EPB41: variants seen among roughly 807,000 people sequenced by gnomAD.
EPB41 encodes erythrocyte membrane protein band 4.1.
In EPB41, 65 loss-of-function variants were observed where a neutral mutation model predicts 108.0. That is an observed-to-expected ratio of 0.60 (90% CI 0.49 to 0.74). The LOEUF is 0.74. EPB41 is among the 30% of genes least tolerant of loss of function. EPB41 has a pLI of 0.00. For missense variants in EPB41, 875 were observed against 1,037.0 expected (o/e 0.84, Z 2.15); for synonymous variants, 336 against 358.9 (o/e 0.94, Z 0.72).
intron 1 of EPB41, among the ~76,000 whole-genome samples, chr1:28,983,019 A>G (rs1418899477): frequency 2.0e-5 from 3 of 152,144 alleles, no homozygotes; most frequent in Non-Finnish European, 1.5e-5. Context: ...TATATCTTTC[A>G]GGATTATGAT....
At chr1:28,925,758 T>A (rs2093411263) in intron 1 of EPB41, among the ~76,000 whole-genome samples, 1 of 152,010 alleles carries the variant, frequency 6.6e-6, no homozygotes, top group Non-Finnish European at 1.5e-5. Context: ...TTCAGAGAGG[T>A]CATAGGTAGG....
intron 1 of EPB41, among the ~76,000 whole-genome samples, chr1:28,984,785 G>A (rs1284718524): frequency 6.6e-6 from 1 of 151,722 alleles, no homozygotes; most frequent in African/African-American, 2.4e-5. Context: ...AGCTTCCCAA[G>A]TAGCTGGAAC....
At chr1:28,894,657 C>T (rs1262604712) in intron 1 of EPB41, among the ~76,000 whole-genome samples, 1 of 152,088 alleles carries the variant, frequency 6.6e-6, no homozygotes, top group Non-Finnish European at 1.5e-5. Context: ...ACTCTGCCTT[C>T]TAGTACTGCC....
At chr1:28,944,064 G>C (rs1571110992) in intron 1 of EPB41, among the ~76,000 whole-genome samples, 1 of 152,246 alleles carries the variant, frequency 6.6e-6, no homozygotes, top group Non-Finnish European at 1.5e-5. Flanking sequence ...GCAACAATAT[G>C]GATGGAACTA....
At chr1:28,956,947 A>G (rs954814671) in intron 1 of EPB41, among the ~76,000 whole-genome samples, 2 of 152,264 alleles carry the variant, frequency 1.3e-5, no homozygotes, top group African/African-American at 4.8e-5. Context: ...GGCTTCCTAC[A>G]TGAGCTGCAA....
intron 16 of EPB41, chr1:29,072,634 A>G (rs1349819544): frequency 6.6e-6 from 1 of 152,194 alleles, no homozygotes; most frequent in African/African-American, 2.4e-5. Context: ...TTGAGAGTCA[A>G]AGGAGAGGCC....
chr1:28,890,379 A>G (rs186097242), intron 1 of EPB41, among the ~76,000 whole-genome samples: 3 of 152,116 alleles, frequency 2.0e-5, no homozygotes, highest in African/African-American at 7.2e-5. Context: ...CCACTCCTTT[A>G]TAGTCTGCAG....
At chr1:29,081,135 A>G (rs1656434850) in intron 16 of EPB41, among the ~76,000 whole-genome samples, 1 of 152,206 alleles carries the variant, frequency 6.6e-6, no homozygotes, top group South Asian at 2.1e-4. Flanking sequence ...GAGACAACCT[A>G]CTGGTGTGCA....
At chr1:29,055,665 T>C (rs1412565332) in intron 12 of EPB41, among the ~76,000 whole-genome samples, 1 of 150,586 alleles carries the variant, frequency 6.6e-6, no homozygotes. Flanking sequence ...AAAATAACTA[T>C]GGCGGCAGGC....
At position 28,973,702 on chromosome 1, in the gene EPB41, TTTTC is replaced by T. The variant is rs547457948; in HGVS notation, c.-7-13722_-7-13719del. On this transcript the variant is annotated intron_variant, in intron 1 of 20. Transcript: ENST00000343067. ...GAGCCACTGTGCCCAACCCCATTTG[TTTTC>T]TTTCTTCCTTCCTATTTGTAAAATC... 3.8e-3 allele frequency among the ~76,000 whole-genome samples: 572 copies of T among 152,266 alleles called. 6 individuals carry two copies. The highest frequency in any genetic ancestry group is 0.013 in the African/African-American group (530 of 41,562).
At chr1:28,930,324 T>TAA (rs1226561663) in intron 1 of EPB41, among the ~76,000 whole-genome samples, 1 of 145,072 alleles carries the variant, frequency 6.9e-6, no homozygotes, top group Non-Finnish European at 1.5e-5. Context: ...ACCAGCTAAT[T>TAA]AAAAAAAAAA....
chr1:29,018,561 C>T lies in EPB41; in HGVS notation c.1124+119C>T. On this transcript the variant is annotated intron_variant, in intron 7 of 20. Transcript: ENST00000343067. This position sits in a 1 kb window ranked among gnomAD's most constrained non-coding sequence, Gnocchi z 4.4. ...TGGTGCCATAGAAAGAGTCAGTTTCCTCCACTGTTTGACTTTGGGCAGGTT... is the reference window on the plus strand; with the variant it reads ...TGGTGCCATAGAAAGAGTCAGTTTCTTCCACTGTTTGACTTTGGGCAGGTT... The T allele has an allele frequency of 9.5e-7, 1 of 1,057,874 alleles. No individual in the cohort carries two copies. The highest frequency in any genetic ancestry group is 1.4e-6 in the Non-Finnish European group (1 of 690,098). The allele number at this position is 1,057,874 out of a possible 1,614,324, so 65.5% of individuals were successfully genotyped here.
At chr1:28,904,152 AC>A (rs2091563594) in intron 1 of EPB41, among the ~76,000 whole-genome samples, 1 of 144,594 alleles carries the variant, frequency 6.9e-6, no homozygotes. Context: ...GGCATGAGTC[AC>A]CTTGCCCGGC....
chr1:28,958,663 A>G lies in EPB41; in HGVS notation c.-7-28768A>G, dbSNP rs151139663. Among the ~76,000 whole-genome samples, 394 of 150,676 alleles carry G rather than the reference A, an allele frequency of 2.6e-3. 2 individuals carry two copies. The highest frequency in any genetic ancestry group is 4.3e-3 in the Non-Finnish European group (288 of 67,694). ...CCCTGTCTCTACCCAAAATACAAAA[A>G]TTTAGCTGAGCACAGGCATGTGGCA... On this transcript the variant is annotated intron_variant, in intron 1 of 20. Coordinates refer to ENST00000343067, the MANE Select transcript of EPB41 (RefSeq NM_001376013.1).
At chr1:28,890,907 G>A in intron 1 of EPB41, 4 of 985,390 alleles carry the variant, frequency 4.1e-6, no homozygotes, top group Non-Finnish European at 4.8e-6. Context: ...CCTTACCTGT[G>A]GAACTGTTTG....
intron 12 of EPB41, among the ~76,000 whole-genome samples, chr1:29,057,102 C>T (rs967150308): frequency 7.9e-5 from 12 of 152,130 alleles, no homozygotes; most frequent in Admixed American, 5.9e-4. Flanking sequence ...ACCAGCCAGG[C>T]GCAGTGGCTT....
At chr1:29,062,683 C>T (rs909630709) in intron 15 of EPB41, among the ~76,000 whole-genome samples, 2 of 151,520 alleles carry the variant, frequency 1.3e-5, no homozygotes, top group Non-Finnish European at 2.9e-5. Context: ...CCTCCTCCCC[C>T]TTCTCCTACC....
intron 9 of EPB41, among the ~76,000 whole-genome samples, chr1:29,034,822 T>C (rs1275732717): frequency 1.3e-5 from 2 of 152,244 alleles, no homozygotes; most frequent in East Asian, 1.9e-4. Context: ...TTAATAACAA[T>C]GTATTGTTCT....
chr1:28,922,826 A>G (rs889179171), intron 1 of EPB41, among the ~76,000 whole-genome samples: 1 of 151,506 alleles, frequency 6.6e-6, no homozygotes, highest in Non-Finnish European at 1.5e-5. Context: ...TCGGGGTTTC[A>G]CCATATTGGC....
Sources: allele counts gnomAD v4.1 joint callset (sites outside exome capture counted in the v4.1 genomes callset), GRCh38; gene constraint gnomAD v4.1.1; non-coding constraint Gnocchi (gnomAD v3.1); transcripts MANE v1.5; gene names NCBI Gene and HGNC (gene_info 2026-07-23, HGNC 2026-07-21).